Variants in SNIP1 observed in about 807,000 individuals in gnomAD.
SNIP1 encodes the protein smad nuclear-interacting protein 1.
In SNIP1, 23 loss-of-function variants were observed where a neutral mutation model predicts 37.4. The observed-to-expected ratio is 0.61, with a 90% confidence interval of 0.44 to 0.87. The LOEUF (loss-of-function observed/expected upper bound fraction) is 0.87, where lower values mean the gene tolerates loss of function less well. Among genes scored for constraint, SNIP1 ranks in the 40% least tolerant of loss-of-function variants. SNIP1 has a pLI of 0.00. For synonymous variants in SNIP1, 174 were observed against 200.0 expected (o/e 0.87, Z 1.10); for missense variants, 459 against 540.4 (o/e 0.85, Z 1.49).
chr1:37,538,416 C>T (rs1159419142), intron 3 of SNIP1, among the ~76,000 whole-genome samples: 2 of 146,674 alleles, frequency 1.4e-5, no homozygotes, highest in African/African-American at 5.0e-5. Context: ...GGTTGAGGCA[C>T]GAGAATGGCG....
Position 37,540,317 on chromosome 1 carries a change from T to G in SNIP1, c.766A>C (p.Lys256Gln), listed in dbSNP as rs775622304. Residue 256 changes from lysine (K) to glutamine (Q), a missense_variant, in exon 3 of 4, where the codon AAA becomes CAA. Transcript: ENST00000296215. The surrounding 1 kb of genome is among the most constrained non-coding windows in gnomAD (Gnocchi z 5.6). Reference protein sequence around the residue: ...YSEPPEARIPKKRWRLYPFKN... With the variant: ...YSEPPEARIPQKRWRLYPFKN... ...AATGGGTAGAGACGCCACCGTTTTT[T>G]GGGGATACGTGCTTCTGGGGGCTCA... The G allele has an allele frequency of 1.2e-6, 2 of 1,614,162 alleles. No homozygotes were observed. Among genetic ancestry groups the G allele is most frequent in the East Asian group, 2.2e-5 (1 of 44,884 alleles).
At position 37,540,150 on chromosome 1, in the gene SNIP1, T is replaced by A. The variant is rs770188844; in HGVS notation, c.926+7A>T. The A allele has an allele frequency of 1.3e-6, 2 of 1,567,382 alleles. No individual in the cohort carries two copies. Among genetic ancestry groups the A allele is most frequent in the East Asian group, 4.5e-5 (2 of 44,174 alleles). On this transcript the variant is annotated splice_region_variant and intron_variant, in intron 3 of 3. Transcript: ENST00000296215. This position sits in a 1 kb window ranked among gnomAD's most constrained non-coding sequence, Gnocchi z 5.6. Reference sequence around the variant, plus strand: ...CACATTACAGTTTCTTCCTCCATGTTACTTACCGATATTGAAAGACCGCAT... The same window carrying A: ...CACATTACAGTTTCTTCCTCCATGTAACTTACCGATATTGAAAGACCGCAT...
chr1:37,546,240 C>G lies in SNIP1; in HGVS notation c.328-5485G>C, dbSNP rs1198108200. Among the ~76,000 whole-genome samples the G allele has an allele frequency of 2.0e-5, 3 of 151,296 alleles. No homozygotes were observed. In the East Asian group the frequency reaches 5.8e-4, roughly 29 times the overall value. ...AGTTTTTCTAGACTTCCTAGCCTAG[C>G]ACAGACATGCATCAAGAGAGAGCCT... On this transcript the variant is annotated intron_variant, in intron 2 of 3. Transcript: ENST00000296215.
At chr1:37,542,929 A>C (rs1643191228) in intron 2 of SNIP1, among the ~76,000 whole-genome samples, 1 of 152,034 alleles carries the variant, frequency 6.6e-6, no homozygotes, top group African/African-American at 2.4e-5. Flanking sequence ...GCACGACAGC[A>C]TGCACCTGTA....
Position 37,554,069 on chromosome 1 carries a change from G to A in SNIP1, c.161C>T (p.Ser54Phe), listed in dbSNP as rs2148118853. The change falls in exon 1 of 4, where the codon TCT becomes TTT. Residue 54 changes from serine (S) to phenylalanine (F), a missense_variant. Ser to Phe is a radical substitution (Grantham distance 155). Transcript: ENST00000296215. ...RRPDHSGGSP[S>F]PPTSEPARSG... ...GCGGGCCGGCTCGCTGGTCGGCGGA[G>A]ACGGGCTACCACCGGAGTGGTCCGG... 1.9e-6 allele frequency: 3 copies of A among 1,601,080 alleles called. No individual in the cohort carries two copies. The highest frequency in any genetic ancestry group is 2.6e-6 in the Non-Finnish European group (3 of 1,175,090).
chr1:37,540,513 G>A lies in SNIP1; in HGVS notation c.570C>T (p.Arg190=). 6.2e-7 allele frequency: 1 copy of A among 1,614,024 alleles called. No homozygotes were observed. Among genetic ancestry groups the A allele is most frequent in the Non-Finnish European group, 8.5e-7 (1 of 1,180,000 alleles). ...CGCCACCACCAACGTCATTCCTCTG[G>A]CGATGCTCCCGTCGCCTGGCATTAT... The part of the protein sequence containing the change: ...EFYNARRREH[R]QRNDVGGGGS... The change falls in exon 3 of 4, where the codon CGC becomes CGT. Residue 190 remains arginine (R), a synonymous_variant. Transcript: ENST00000296215. The surrounding 1 kb of genome is among the most constrained non-coding windows in gnomAD (Gnocchi z 5.6).
In SNIP1 at chr1:37,536,926, GAAA is replaced by G. The variant is rs903829936; in HGVS notation, c.*819_*821del. ...CATCAGTGACAGTTTATTTCTCAAA[GAAA>G]AAAAGAGATAACATTTGAATAAAAA... On this transcript the variant is annotated 3_prime_UTR_variant, in exon 4 of 4. Coordinates refer to ENST00000296215, the MANE Select transcript of SNIP1 (RefSeq NM_024700.4). 1 of 151,062 alleles carries G rather than the reference GAAA, an allele frequency of 6.6e-6. No homozygotes were observed. Among genetic ancestry groups the G allele is most frequent in the Non-Finnish European group, 1.5e-5 (1 of 67,456 alleles). 9.4% of individuals were successfully genotyped at this position (151,062 alleles called of 1,614,324 possible). A position where few individuals can be genotyped will look rare whatever the true frequency, so the allele number is the denominator to read the frequency against.
chr1:37,547,354 C>T (rs1478590608), intron 2 of SNIP1, among the ~76,000 whole-genome samples: 3 of 151,944 alleles, frequency 2.0e-5, no homozygotes, highest in Non-Finnish European at 4.4e-5. Context: ...ATTTTGGGGA[C>T]GAGAGAAGTA....
Position 37,552,662 on chromosome 1 carries a change from T to C in SNIP1, c.310A>G (p.Thr104Ala), listed in dbSNP as rs771284119. Reference protein sequence around the residue: ...SKRNRSPHHSTVKVKQEREDH... With the variant: ...SKRNRSPHHSAVKVKQEREDH... ...CCACTTACCTGCTTCACTTTGACTG[T>C]TGAGTGGTGAGGACTTCGGTTTCTC... The change falls in exon 2 of 4, where the codon ACA (threonine) becomes GCA (alanine). Residue 104 changes from threonine to alanine, a missense_variant. Physicochemically the swap from Thr to Ala is moderately conservative, Grantham distance 58. Coordinates refer to ENST00000296215, the MANE Select transcript of SNIP1 (RefSeq NM_024700.4). 36 of 1,614,026 alleles carry C rather than the reference T, an allele frequency of 2.2e-5. No homozygotes were observed. The highest frequency in any genetic ancestry group is 3.0e-5 in the Non-Finnish European group (35 of 1,179,964).
At chr1:37,548,646 G>T (rs1557628053) in intron 2 of SNIP1, among the ~76,000 whole-genome samples, 1 of 151,598 alleles carries the variant, frequency 6.6e-6, no homozygotes, top group East Asian at 2.0e-4. Context: ...GGCTGAGGCA[G>T]GAGAATCCCT....
chr1:37,536,300 A>T lies in SNIP1; in HGVS notation c.*1448T>A, dbSNP rs911103089. 3 of 152,238 alleles carry T rather than the reference A, an allele frequency of 2.0e-5. No homozygotes were observed. Among genetic ancestry groups the T allele is most frequent in the African/African-American group, 7.2e-5 (3 of 41,468 alleles). 9.4% of individuals were successfully genotyped at this position (152,238 alleles called of 1,614,324 possible). On this transcript the variant is annotated 3_prime_UTR_variant, in exon 4 of 4. Transcript: ENST00000296215. ...ATAGTATCCTAAGTCTCAACCCAAG[A>T]GGAACAATTAGTAGTAACACTGATT... is the stretch of plus-strand genomic sequence containing the variant.
chr1:37,553,943 G>A, intron 1 of SNIP1, 63 bp downstream of exon 1: 5 of 1,512,350 alleles, frequency 3.3e-6, no homozygotes, highest in Non-Finnish European at 4.5e-6. Context: ...TCGGACGCTA[G>A]CCCTGCCCGC....
intron 2 of SNIP1, among the ~76,000 whole-genome samples, chr1:37,550,131 GA>G (rs1231930132): frequency 2.0e-5 from 3 of 151,930 alleles, no homozygotes; most frequent in African/African-American, 7.2e-5. Context: ...GGACTTTTAA[GA>G]AAAAAAATTT....
Position 37,554,074 on chromosome 1 carries a change from G to C in SNIP1, c.156C>G (p.Ser52Arg), listed in dbSNP as rs1195839314. Residue 52 changes from serine to arginine, a missense_variant, in exon 1 of 4, where the codon AGC becomes AGG. Ser to Arg is a moderately radical substitution (Grantham distance 110). Transcript: ENST00000296215. ...AHRRPDHSGG[S>R]PSPPTSEPAR... is the part of the protein sequence containing the mutation. ...CCGGCTCGCTGGTCGGCGGAGACGG[G>C]CTACCACCGGAGTGGTCCGGACGGC... is the stretch of plus-strand genomic sequence containing the variant. The C allele has an allele frequency of 6.2e-6, 10 of 1,603,604 alleles. No individual in the cohort carries two copies. Among genetic ancestry groups the C allele is most frequent in the Middle Eastern group, 1.8e-4 (1 of 5,604 alleles).
chr1:37,545,024 G>A, intron 2 of SNIP1: 1 of 760,020 alleles, frequency 1.3e-6, no homozygotes, highest in South Asian at 1.3e-5. Context: ...ACCAGACCAT[G>A]ATGACTGGGA....
At chr1:37,553,952 G>T in intron 1 of SNIP1, 54 bp downstream of exon 1, 1 of 1,528,692 alleles carries the variant, frequency 6.5e-7, no homozygotes, top group Non-Finnish European at 8.9e-7. Context: ...AGCCCTGCCC[G>T]CCTTTCTGAA....
chr1:37,539,695 C>G (rs1017841620), intron 3 of SNIP1, among the ~76,000 whole-genome samples: 2 of 152,098 alleles, frequency 1.3e-5, no homozygotes, highest in Non-Finnish European at 2.9e-5. Context: ...GGGCACAGAA[C>G]GAGACTCCGT....
intron 2 of SNIP1, chr1:37,549,077 TAGAAAATCCCAAGTA>T (rs1473708219): frequency 2.5e-4 from 38 of 149,842 alleles, no homozygotes; most frequent in African/African-American, 8.8e-4. Flanking sequence ...ATTGTCTACG[TAGAAAATCCCAAGTA>T]ATCTTAAAAA....
Position 37,552,706 on chromosome 1 carries a change from C to A in SNIP1, c.266G>T (p.Ser89Ile). The A allele has an allele frequency of 6.4e-7, 1 of 1,562,302 alleles. No individual in the cohort carries two copies. Among genetic ancestry groups the A allele is most frequent in the Non-Finnish European group, 8.8e-7 (1 of 1,132,722 alleles). ...KKKNKASGRR[S>I]KSPRSKRNRS... ...GTTTCTCTTACTGCGAGGAGACTTG[C>A]TTCTTCTCCCTGAGGCCTTGTTTTT... The change falls in exon 2 of 4, where the codon AGC becomes ATC. Residue 89 changes from serine (S) to isoleucine (I), a missense_variant. Transcript: ENST00000296215.
Sources: gnomAD v4.1 joint callset for allele counts (sites outside exome capture counted in the v4.1 genomes callset) on GRCh38, gnomAD v4.1.1 for gene constraint, Gnocchi (gnomAD v3.1) non-coding constraint, MANE v1.5 for transcripts, NCBI Gene and HGNC (gene_info 2026-07-23, HGNC 2026-07-21) for gene names.